Variants in SPOP observed in about 807,000 individuals in gnomAD.
The protein encoded by SPOP is speckle-type POZ protein.
A neutral mutation model predicts 45.6 loss-of-function variants in SPOP; 11 were observed. That is an observed-to-expected ratio of 0.24 (90% CI 0.15 to 0.40). SPOP has a LOEUF of 0.40. Among genes scored for constraint, SPOP ranks in the 10% least tolerant of loss-of-function variants. The probability of loss-of-function intolerance (pLI) is 1.00; values close to 1 mark genes in which losing one functional copy is unlikely to be tolerated. For synonymous variants in SPOP, 166 were observed against 166.3 expected (o/e 1.00, Z 0.01); for missense variants, 152 against 465.6 (o/e 0.33, Z 6.20).
chr17:49,646,669 C>A (rs2072764172), intron 1 of SPOP: 1 of 152,166 alleles, frequency 6.6e-6, no homozygotes, highest in South Asian at 2.1e-4. Context: ...GTTTCACAGT[C>A]TTCAAAGTAC....
In SPOP at chr17:49,599,500, T is replaced by TG. The variant is rs2071699273; in HGVS notation, c.*877_*878insC. 2.7e-5 allele frequency: 5 copies of TG among 184,986 alleles called. No homozygotes were observed. The East Asian group carries it at 3.6e-4, about 14-fold the overall frequency. 11.5% of individuals were successfully genotyped at this position (184,986 alleles called of 1,614,324 possible). A position where few individuals can be genotyped will look rare whatever the true frequency, so the allele number is the denominator to read the frequency against. On this transcript the variant is annotated 3_prime_UTR_variant, in exon 10 of 10. Transcript: ENST00000504102. Reference sequence around the variant, plus strand: ...TCTCTTCTTTTGTTCTGTTTTTGTTTTGTGTGTTTTTTTTTTTGTTTGTTT... The same window carrying TG: ...TCTCTTCTTTTGTTCTGTTTTTGTTTGTGTGTGTTTTTTTTTTTGTTTGTTT...
At chr17:49,611,951 T>C (rs1428307086) in intron 5 of SPOP, among the ~76,000 whole-genome samples, 1 of 151,196 alleles carries the variant, frequency 6.6e-6, no homozygotes, top group Admixed American at 6.6e-5. Flanking sequence ...AGCATGATCA[T>C]GGCTCACTGC....
Position 49,619,379 on chromosome 17 carries a change from C to T in SPOP, c.207G>A (p.Leu69=), listed in dbSNP as rs1006145755. ...SGANDKLKWC[L]RVNPKGLDEE... ...CATCTAACCCTTTGGGGTTTACTCG[C>T]AAACACCTGTCCAAAACAGATAGAA... The change falls in exon 4 of 10, where the codon TTG becomes TTA. Residue 69 remains leucine, a synonymous_variant. Coordinates refer to ENST00000504102, the MANE Select transcript of SPOP (RefSeq NM_001007228.2). The surrounding 1 kb of genome is among the most constrained non-coding windows in gnomAD (Gnocchi z 4.9). 10 of 1,612,418 alleles carry T rather than the reference C, an allele frequency of 6.2e-6. No individual in the cohort carries two copies. The highest frequency in any genetic ancestry group is 1.7e-4 in the Middle Eastern group (1 of 6,050).
At chr17:49,628,456 C>A (rs2072382380) in intron 1 of SPOP, among the ~76,000 whole-genome samples, 1 of 151,716 alleles carries the variant, frequency 6.6e-6, no homozygotes, top group South Asian at 2.1e-4. Context: ...AGTCATTAAC[C>A]AGTTTTGATG....
intron 1 of SPOP, among the ~76,000 whole-genome samples, chr17:49,677,687 T>TG (rs927077334): frequency 1.7e-4 from 17 of 100,264 alleles, no homozygotes; most frequent in Non-Finnish European, 2.6e-4. Flanking sequence ...TGGGAAATGA[T>TG]GGGGGGGCTG....
chr17:49,607,787 T>C (rs1391095857), intron 7 of SPOP, 87 bp downstream of exon 7: 1 of 1,306,020 alleles, frequency 7.7e-7, no homozygotes, highest in Non-Finnish European at 1.1e-6. Context: ...AAAAAAGTAA[T>C]TAGGAAAATG....
intron 1 of SPOP, among the ~76,000 whole-genome samples, chr17:49,657,783 T>C (rs531630936): frequency 1.3e-4 from 18 of 141,630 alleles, no homozygotes; most frequent in South Asian, 9.7e-4. Context: ...TCACTGCAAC[T>C]TCCACCTCCC....
At chr17:49,622,219 TC>T in intron 2 of SPOP, 152 bp from the exon 3 acceptor site, 1 of 971,506 alleles carries the variant, frequency 1.0e-6, no homozygotes, top group Non-Finnish European at 1.6e-6. Context: ...ATGTTCCTCA[TC>T]CACATTTTAA....
At chr17:49,613,306 T>G (rs914011242) in intron 5 of SPOP, among the ~76,000 whole-genome samples, 1 of 151,050 alleles carries the variant, frequency 6.6e-6, no homozygotes, top group Non-Finnish European at 1.5e-5. Flanking sequence ...AAAGACCAAT[T>G]AAATCCAACT....
chr17:49,663,157 C>T (rs930444749), intron 1 of SPOP, among the ~76,000 whole-genome samples: 14 of 152,194 alleles, frequency 9.2e-5, no homozygotes, highest in Admixed American at 2.6e-4. Context: ...GAGAGGTGGA[C>T]GGGCGAGCAA....
intron 7 of SPOP, among the ~76,000 whole-genome samples, chr17:49,607,592 G>A (rs1369696604): frequency 2.0e-5 from 3 of 152,082 alleles, no homozygotes; most frequent in East Asian, 1.9e-4. Flanking sequence ...ACAACTCTTC[G>A]ATTTTTTCAC....
intron 5 of SPOP, among the ~76,000 whole-genome samples, chr17:49,614,640 A>G (rs1209080413): frequency 6.6e-6 from 1 of 152,202 alleles, no homozygotes; most frequent in Middle Eastern, 3.2e-3. Flanking sequence ...GATGTTACCT[A>G]TTGAATCACC....
At chr17:49,603,230 A>G (rs930487777) in intron 8 of SPOP, among the ~76,000 whole-genome samples, 1 of 152,246 alleles carries the variant, frequency 6.6e-6, no homozygotes, top group Non-Finnish European at 1.5e-5. Flanking sequence ...ACATTTGAGT[A>G]ACTGGAAAAC....
chr17:49,650,408 T>G (rs2072827037), intron 1 of SPOP, among the ~76,000 whole-genome samples: 1 of 151,790 alleles, frequency 6.6e-6, no homozygotes, highest in South Asian at 2.1e-4. Context: ...GGTGAAACCC[T>G]GTCTCTACTA....
chr17:49,624,210 G>A (rs546387391), intron 1 of SPOP, among the ~76,000 whole-genome samples: 9 of 152,160 alleles, frequency 5.9e-5, no homozygotes, highest in Admixed American at 3.9e-4. Context: ...TTCATCTAGA[G>A]ATCTACTGTA....
At chr17:49,650,815 CA>C (rs2072833801) in intron 1 of SPOP, among the ~76,000 whole-genome samples, 1 of 152,124 alleles carries the variant, frequency 6.6e-6, no homozygotes, top group Non-Finnish European at 1.5e-5. Context: ...AGTTTGTACC[CA>C]GAACATCCTG....
At chr17:49,629,010 G>A (rs977472238) in intron 1 of SPOP, among the ~76,000 whole-genome samples, 2 of 152,156 alleles carry the variant, frequency 1.3e-5, no homozygotes, top group African/African-American at 2.4e-5. Flanking sequence ...TTGGGAGCCC[G>A]AGGTGGGCGG....
At chr17:49,655,307 C>G (rs900645167) in intron 1 of SPOP, among the ~76,000 whole-genome samples, 4 of 152,058 alleles carry the variant, frequency 2.6e-5, no homozygotes, top group Non-Finnish European at 5.9e-5. Flanking sequence ...GTCAGGAGAT[C>G]GAGACCATCC....
chr17:49,617,923 CAAAAAAAAAAAA>C (rs907445153), intron 5 of SPOP, among the ~76,000 whole-genome samples: 4 of 55,884 alleles, frequency 7.2e-5, no homozygotes, highest in African/African-American at 2.5e-4. Flanking sequence ...GACTCCGTCT[CAAAAAAAAAAAA>C]AAAAAAAAGA....
Sources: allele counts gnomAD v4.1 joint callset (sites outside exome capture counted in the v4.1 genomes callset), GRCh38; gene constraint gnomAD v4.1.1; non-coding constraint Gnocchi (gnomAD v3.1); transcripts MANE v1.5; gene names NCBI Gene and HGNC (gene_info 2026-07-23, HGNC 2026-07-21).